Variants in MAGI1 observed in about 807,000 individuals in gnomAD.
MAGI1 encodes membrane-associated guanylate kinase, WW and PDZ domain-containing protein 1.
In MAGI1, 58 loss-of-function variants were observed where a neutral mutation model predicts 139.9. The observed-to-expected ratio is 0.41, with a 90% CI of 0.34 to 0.52. The LOEUF (loss-of-function observed/expected upper bound fraction) is 0.52. Among genes scored for constraint, MAGI1 ranks in the 20% least tolerant of loss-of-function variants. MAGI1 has a pLI of 0.12. For synonymous variants in MAGI1, 812 were observed against 737.9 expected (o/e 1.10, Z -1.63); for missense variants, 1,874 against 1,901.6 (o/e 0.99, Z 0.27).
chr3:66,027,389 G>A (rs2068342737), intron 1 of MAGI1, among the ~76,000 whole-genome samples: 2 of 152,126 alleles, frequency 1.3e-5, no homozygotes, highest in East Asian at 1.9e-4. Context: ...CTGCAGCCTC[G>A]GACTCCTTGG....
intron 1 of MAGI1, among the ~76,000 whole-genome samples, chr3:65,866,345 C>G (rs1003946129): frequency 7.4e-6 from 1 of 135,698 alleles, no homozygotes; most frequent in African/African-American, 2.8e-5. Context: ...TCCTGAGTGC[C>G]TACTTCTTTT....
At chr3:65,891,194 CCT>C (rs1164335593) in intron 1 of MAGI1, among the ~76,000 whole-genome samples, 1 of 149,450 alleles carries the variant, frequency 6.7e-6, no homozygotes, top group Non-Finnish European at 1.5e-5. Context: ...TGAGTGAGCC[CCT>C]GTCACAGAAA....
At chr3:65,632,515 A>G (rs572917103) in intron 1 of MAGI1, among the ~76,000 whole-genome samples, 3 of 152,300 alleles carry the variant, frequency 2.0e-5, no homozygotes, top group South Asian at 4.1e-4. Flanking sequence ...AAAATACACA[A>G]ATAAAGAACA....
chr3:65,770,696 C>G (rs2037877149), intron 1 of MAGI1, among the ~76,000 whole-genome samples: 1 of 151,940 alleles, frequency 6.6e-6, no homozygotes, highest in East Asian at 1.9e-4. Context: ...CATTTATTTA[C>G]TTATTTATTT....
chr3:65,768,795 G>A (rs190546764), intron 1 of MAGI1, among the ~76,000 whole-genome samples: 1 of 152,272 alleles, frequency 6.6e-6, no homozygotes, highest in East Asian at 1.9e-4. Flanking sequence ...AAATACTACA[G>A]TGGCATTACT....
At chr3:65,926,368 TCC>T (rs1553731207) in intron 1 of MAGI1, among the ~76,000 whole-genome samples, 8 of 147,652 alleles carry the variant, frequency 5.4e-5, no homozygotes, top group East Asian at 2.0e-4. Context: ...TCTCTCTCTC[TCC>T]CTCTTTCCCT....
At chr3:66,009,285 G>A (rs1052014547) in intron 1 of MAGI1, 2 of 151,896 alleles carry the variant, frequency 1.3e-5, no homozygotes, top group African/African-American at 4.8e-5. Context: ...GGAGGCAGGC[G>A]GATCACCTGA....
chr3:66,021,894 A>G (rs1296236325), intron 1 of MAGI1, among the ~76,000 whole-genome samples: 1 of 152,098 alleles, frequency 6.6e-6, no homozygotes, highest in African/African-American at 2.4e-5. Flanking sequence ...CCCAAATCCA[A>G]TGTGTGGGGT....
At chr3:65,547,053 C>A (rs142143415) in intron 2 of MAGI1, among the ~76,000 whole-genome samples, 1 of 152,282 alleles carries the variant, frequency 6.6e-6, no homozygotes, top group Non-Finnish European at 1.5e-5. Context: ...TAATGCTGAA[C>A]CACTGTTACA....
chr3:65,948,907 C>G (rs2063666348), intron 1 of MAGI1, among the ~76,000 whole-genome samples: 2 of 152,290 alleles, frequency 1.3e-5, no homozygotes, highest in South Asian at 4.1e-4. Flanking sequence ...TGTCCCTAAG[C>G]CAAACAACTG....
chr3:65,618,898 G>T (rs1335768568), intron 2 of MAGI1, among the ~76,000 whole-genome samples: 1 of 152,106 alleles, frequency 6.6e-6, no homozygotes, highest in Non-Finnish European at 1.5e-5. Context: ...TTCACAACAG[G>T]CCCCTGAACT....
intron 1 of MAGI1, among the ~76,000 whole-genome samples, chr3:65,894,378 A>C (rs1457933879): frequency 1.3e-5 from 2 of 152,178 alleles, no homozygotes; most frequent in Non-Finnish European, 2.9e-5. Flanking sequence ...CATTCCATCT[A>C]AACTGAGTTG....
At chr3:65,407,256 G>A (rs1242974242) in intron 12 of MAGI1, among the ~76,000 whole-genome samples, 1 of 152,004 alleles carries the variant, frequency 6.6e-6, no homozygotes, top group African/African-American at 2.4e-5. Flanking sequence ...AGACCAGCCT[G>A]GCCAACATGG....
intron 2 of MAGI1, among the ~76,000 whole-genome samples, chr3:65,543,049 T>C (rs1464123409): frequency 6.6e-6 from 1 of 151,204 alleles, no homozygotes; most frequent in African/African-American, 2.4e-5. Flanking sequence ...TTAAACAAAT[T>C]TATAAGAAAA....
intron 1 of MAGI1, among the ~76,000 whole-genome samples, chr3:65,630,869 A>AAG (rs1260421656): frequency 1.3e-5 from 2 of 152,174 alleles, no homozygotes; most frequent in South Asian, 2.1e-4. Context: ...AATTTTTAAA[A>AAG]AGAGAGAGAG....
At chr3:65,973,936 A>G (rs1012880742) in intron 1 of MAGI1, among the ~76,000 whole-genome samples, 1 of 152,214 alleles carries the variant, frequency 6.6e-6, no homozygotes, top group African/African-American at 2.4e-5. Flanking sequence ...ATAATTTATA[A>G]ATGCTGATGC....
intron 1 of MAGI1, among the ~76,000 whole-genome samples, chr3:65,911,706 T>C (rs2061676986): frequency 6.6e-6 from 1 of 152,220 alleles, no homozygotes; most frequent in Admixed American, 6.5e-5. Flanking sequence ...GCCTATTATG[T>C]ATTCTTACTG....
intron 1 of MAGI1, among the ~76,000 whole-genome samples, chr3:65,877,934 C>T (rs1351808034): frequency 1.3e-5 from 2 of 151,580 alleles, no homozygotes; most frequent in African/African-American, 4.8e-5. Flanking sequence ...TGGTGAGACA[C>T]TGTCTCTACA....
At chr3:65,844,727 A>G (rs536560267) in intron 1 of MAGI1, among the ~76,000 whole-genome samples, 5 of 152,272 alleles carry the variant, frequency 3.3e-5, no homozygotes, top group African/African-American at 1.2e-4. Flanking sequence ...TTCATGCAAG[A>G]CCTAGGGCTT....
Sources: allele counts gnomAD v4.1 joint callset (sites outside exome capture counted in the v4.1 genomes callset), GRCh38; gene constraint gnomAD v4.1.1; transcripts MANE v1.5; gene names NCBI Gene and HGNC (gene_info 2026-07-23, HGNC 2026-07-21).